FRY: variants seen among roughly 807,000 people sequenced by gnomAD.
FRY encodes FRY microtubule binding protein.
A neutral mutation model predicts 348.4 loss-of-function variants in FRY; 128 were observed. The ratio of observed to expected loss-of-function variants is 0.37; its 90% confidence interval spans 0.32 to 0.43. The LOEUF is 0.43. Among genes scored for constraint, FRY ranks in the 20% least tolerant of loss-of-function variants. FRY has a pLI of 1.00. For synonymous variants in FRY, 1,370 were observed against 1,374.7 expected, an observed-to-expected ratio of 1.00 and a Z score of 0.08; for missense variants, 2,736 against 3,695.2, an observed-to-expected ratio of 0.74 and a Z score of 6.73.
In FRY at chr13:32,296,806, G is replaced by T. The variant is rs1213488341; in HGVS notation, c.*1346G>T. On this transcript the variant is annotated 3_prime_UTR_variant, in exon 61 of 61. Coordinates refer to ENST00000542859, the MANE Select transcript of FRY (RefSeq NM_023037.3). ...CCATGCATGGCCCTGTGAAGCTGGAGGTAAGTATTATCTCTTTGGAAGTTG... is the reference window on the plus strand; with the variant it reads ...CCATGCATGGCCCTGTGAAGCTGGATGTAAGTATTATCTCTTTGGAAGTTG... 2 of 152,140 alleles carry T rather than the reference G, an allele frequency of 1.3e-5. No homozygotes were observed. The highest frequency in any genetic ancestry group is 2.9e-5 in the Non-Finnish European group (2 of 68,038). 9.4% of individuals were successfully genotyped at this position (152,140 alleles called of 1,614,324 possible).
At chr13:32,194,115 A>T in intron 28 of FRY, 28 bp from the exon 29 acceptor site, 1 of 1,599,622 alleles carries the variant, frequency 6.3e-7, no homozygotes, top group Non-Finnish European at 8.6e-7. Context: ...TCAAATGGGA[A>T]TAATATTGAT....
At chr13:32,241,455 T>C (rs1035356654) in intron 46 of FRY, among the ~76,000 whole-genome samples, 2 of 152,140 alleles carry the variant, frequency 1.3e-5, no homozygotes, top group African/African-American at 4.8e-5. Flanking sequence ...ATTAAGCACA[T>C]TTATAGAGAA....
intron 1 of FRY, among the ~76,000 whole-genome samples, chr13:32,062,191 A>T (rs557854356): frequency 1.3e-5 from 2 of 151,342 alleles, no homozygotes; most frequent in South Asian, 4.2e-4. Flanking sequence ...CTCCCAAGGA[A>T]TTTTTTTTAG....
chr13:32,171,019 A>G lies in FRY; in HGVS notation c.1900A>G (p.Ile634Val). 1.2e-6 allele frequency: 2 copies of G among 1,606,202 alleles called. No homozygotes were observed. Among genetic ancestry groups the G allele is most frequent in the East Asian group, 2.2e-5 (1 of 44,846 alleles). ...ELIDLLARLS[I>V]HMDDELRHIA... is the part of the protein sequence containing the mutation. ...CCTTTATTCGTTTCACAGGCTCTCT[A>G]TTCATATGGATGATGAATTGCGACA... The change falls in exon 18 of 61, where the codon ATT becomes GTT. Residue 634 changes from isoleucine to valine, a missense_variant. Transcript: ENST00000542859.
At chr13:32,088,676 T>TG (rs1484948366) in intron 2 of FRY, among the ~76,000 whole-genome samples, 1 of 117,808 alleles carries the variant, frequency 8.5e-6, no homozygotes, top group Non-Finnish European at 1.9e-5. Flanking sequence ...CACCATAGTT[T>TG]GATTGAACCT....
chr13:32,036,745 C>T (rs1471203906), intron 1 of FRY, among the ~76,000 whole-genome samples: 1 of 146,532 alleles, frequency 6.8e-6, no homozygotes, highest in South Asian at 2.1e-4. Flanking sequence ...TGCACATTTT[C>T]GATGAAAAAA....
In FRY at chr13:32,239,286, G is replaced by T. The variant is rs200943295; in HGVS notation, c.6453G>T (p.Gln2151His). Reference protein sequence around the residue: ...FPLNVLCLLPQLIQHFENPNQ... With the variant: ...FPLNVLCLLPHLIQHFENPNQ... ...TGAATGTCTTGTGTCTCCTGCCTCA[G>T]CTGATTCAGCATTTTGAAAATCCCA... The change falls in exon 45 of 61, where the codon CAG becomes CAT. Residue 2151 changes from glutamine (Q) to histidine (H), a missense_variant. By Grantham distance (24) the Gln-to-His change is conservative. Transcript: ENST00000542859. This position sits in a 1 kb window ranked among gnomAD's most constrained non-coding sequence, Gnocchi z 4.3. The T allele has an allele frequency of 7.4e-5, 119 of 1,611,062 alleles. No homozygotes were observed. The highest frequency in any genetic ancestry group is 9.8e-5 in the Non-Finnish European group (115 of 1,177,374).
At chr13:32,095,399 G>C (rs1249869106) in intron 2 of FRY, among the ~76,000 whole-genome samples, 2 of 132,938 alleles carry the variant, frequency 1.5e-5, no homozygotes, top group African/African-American at 5.7e-5. Context: ...CCAGGCTGGA[G>C]TGCAGTGGCG....
intron 1 of FRY, among the ~76,000 whole-genome samples, chr13:32,056,303 A>G (rs1035297604): frequency 2.0e-5 from 3 of 152,138 alleles, no homozygotes; most frequent in African/African-American, 7.2e-5. Context: ...AATAAGTATC[A>G]TACACCTGGT....
intron 57 of FRY, among the ~76,000 whole-genome samples, chr13:32,277,305 T>C (rs1055511472): frequency 2.0e-5 from 3 of 152,248 alleles, no homozygotes. Flanking sequence ...TCATCTCAGA[T>C]GCAGCATCTG....
At chr13:32,162,992 T>C (rs2011150) in intron 17 of FRY, among the ~76,000 whole-genome samples, 19,181 of 151,988 alleles carry the variant, frequency 0.13, 1,293 homozygotes, top group East Asian at 0.26. Flanking sequence ...AACACGATGA[T>C]TTAGGGGCTG....
chr13:32,036,484 T>C (rs953102756), intron 1 of FRY, among the ~76,000 whole-genome samples: 14 of 152,054 alleles, frequency 9.2e-5, no homozygotes, highest in South Asian at 6.2e-4. Flanking sequence ...GTTTTTTTTT[T>C]CCCATTCAAA....
chr13:32,186,315 C>T lies in FRY; in HGVS notation c.3375C>T (p.Ile1125=), dbSNP rs1566118464. ...AAAGTCTGAGGCACCACCTTTTCATCTTATTCAGCCAGTGGGCAGGACCCT... is the reference window on the plus strand; with the variant it reads ...AAAGTCTGAGGCACCACCTTTTCATTTTATTCAGCCAGTGGGCAGGACCCT... ...PQQSLRHHLF[I]LFSQWAGPFS... The change falls in exon 27 of 61, where the codon ATC becomes ATT. Residue 1125 remains isoleucine, a synonymous_variant. Transcript: ENST00000542859. The T allele has an allele frequency of 6.2e-7, 1 of 1,612,974 alleles. No homozygotes were observed.
At chr13:32,081,641 A>AT (rs1212444732) in intron 2 of FRY, among the ~76,000 whole-genome samples, 1 of 152,062 alleles carries the variant, frequency 6.6e-6, no homozygotes, top group African/African-American at 2.4e-5. Context: ...TTCCCCTTTG[A>AT]TTTTTTGGCA....
chr13:32,129,163 C>T (rs1055907635), intron 7 of FRY, among the ~76,000 whole-genome samples: 2 of 152,206 alleles, frequency 1.3e-5, no homozygotes, highest in Admixed American at 6.5e-5. Context: ...GATATAACTT[C>T]ATTTTAACTT....
At chr13:32,282,109 A>G (rs201664797) in intron 58 of FRY, among the ~76,000 whole-genome samples, 1 of 152,198 alleles carries the variant, frequency 6.6e-6, no homozygotes, top group Non-Finnish European at 1.5e-5. Context: ...TTAAGATCTT[A>G]TATCTAGAGA....
chr13:32,239,191 C>A lies in FRY; in HGVS notation c.6419-61C>A. On this transcript the variant is annotated intron_variant, in intron 44 of 60. Coordinates refer to ENST00000542859, the MANE Select transcript of FRY (RefSeq NM_023037.3). The surrounding 1 kb of genome is among the most constrained non-coding windows in gnomAD (Gnocchi z 4.3). ...TATAAAAATCTGTAACATGCCTTCC[C>A]ACTGTTAACAGCTAAAATATACCAT... 9.6e-7 allele frequency: 1 copy of A among 1,041,672 alleles called. No individual in the cohort carries two copies. The highest frequency in any genetic ancestry group is 1.5e-6 in the Non-Finnish European group (1 of 660,780). The allele number at this position is 1,041,672 out of a possible 1,614,324, so 64.5% of individuals were successfully genotyped here.
At chr13:32,084,458 A>T (rs565222068) in intron 2 of FRY, among the ~76,000 whole-genome samples, 18 of 152,168 alleles carry the variant, frequency 1.2e-4, no homozygotes, top group East Asian at 7.7e-4. Context: ...CTGGAATGCC[A>T]CTCAGCTTCT....
At chr13:32,171,870 T>A (rs546932628) in intron 18 of FRY, among the ~76,000 whole-genome samples, 1 of 780 alleles carries the variant, frequency 1.3e-3, no homozygotes, top group Non-Finnish European at 3.1e-3. Context: ...AACAAATGAC[T>A]ACAGGCCAGG....
Sources: allele counts gnomAD v4.1 joint callset (sites outside exome capture counted in the v4.1 genomes callset), GRCh38; gene constraint gnomAD v4.1.1; non-coding constraint Gnocchi (gnomAD v3.1); transcripts MANE v1.5; gene names NCBI Gene and HGNC (gene_info 2026-07-23, HGNC 2026-07-21).